Variants in PAK5 observed in about 807,000 individuals in gnomAD.
The protein encoded by PAK5 is serine/threonine-protein kinase PAK 5.
Under a neutral mutation model 65.9 loss-of-function variants are expected in PAK5, and 16 were observed. The ratio of observed to expected loss-of-function variants is 0.24; its 90% CI spans 0.16 to 0.37. The LOEUF (loss-of-function observed/expected upper bound fraction) is 0.37. Among genes scored for constraint, PAK5 ranks in the 10% least tolerant of loss-of-function variants. The pLI, the probability that PAK5 is intolerant of heterozygous loss-of-function variation, is 1.00. For synonymous variants in PAK5, 371 were observed against 354.9 expected, an observed-to-expected ratio of 1.05 and a Z score of -0.51; for missense variants, 785 against 903.9, an observed-to-expected ratio of 0.87 and a Z score of 1.69.
intron 2 of PAK5, among the ~76,000 whole-genome samples, chr20:9,707,810 C>G (rs1212478695): frequency 6.6e-6 from 1 of 152,150 alleles, no homozygotes; most frequent in African/African-American, 2.4e-5. Flanking sequence ...AGTGAAGCAT[C>G]TGAGACTATT....
intron 3 of PAK5, among the ~76,000 whole-genome samples, chr20:9,601,546 A>C (rs1196423311): frequency 1.3e-5 from 2 of 152,104 alleles, no homozygotes; most frequent in African/African-American, 4.8e-5. Context: ...TAGCTTTTTT[A>C]GTGGTTGTAG....
rs182630122 is a variant in PAK5, at chr20:9,667,602, G to A, written c.-11-23263C>T. On this transcript the variant is annotated intron_variant, in intron 2 of 9. Coordinates refer to ENST00000353224, the MANE Select transcript of PAK5 (RefSeq NM_177990.4). ...CTTCTAGTTGCATACCACTGGGGAA[G>A]CTCTAATAATACCCTGTGGAATATA... is the stretch of plus-strand genomic sequence containing the variant. Among the ~76,000 whole-genome samples the A allele has an allele frequency of 2.5e-4, 38 of 152,248 alleles. No individual in the cohort carries two copies. The East Asian group carries it at 6.8e-3, about 27-fold the overall frequency.
intron 3 of PAK5, among the ~76,000 whole-genome samples, chr20:9,602,558 A>T (rs570781232): frequency 6.6e-6 from 1 of 152,314 alleles, no homozygotes; most frequent in African/African-American, 2.4e-5. Flanking sequence ...GTTTCTGAGA[A>T]TCTAAAAGTT....
At chr20:9,736,554 T>C (rs1260410549) in intron 1 of PAK5, among the ~76,000 whole-genome samples, 2 of 152,176 alleles carry the variant, frequency 1.3e-5, no homozygotes, top group African/African-American at 4.8e-5. Context: ...GGCATGATGT[T>C]ACAGGCTGGC....
chr20:9,730,040 CG>C (rs1412544774), intron 1 of PAK5, among the ~76,000 whole-genome samples: 3 of 70,664 alleles, frequency 4.2e-5, no homozygotes, highest in East Asian at 7.5e-4. Flanking sequence ...AGAATTGTCT[CG>C]AAAAAAAAAA....
At chr20:9,670,714 T>G (rs1482705727) in intron 2 of PAK5, among the ~76,000 whole-genome samples, 1 of 152,196 alleles carries the variant, frequency 6.6e-6, no homozygotes, top group African/African-American at 2.4e-5. Flanking sequence ...TTTCTCCCAT[T>G]CTGTAGGTTG....
rs1204079633 is a variant in PAK5, at chr20:9,538,451, C to T, written c.*1011G>A. On this transcript the variant is annotated 3_prime_UTR_variant, in exon 10 of 10. Transcript: ENST00000353224. ...ATGAAACCAAACGTCTTGCCCTGTTCTCTCCTCTCCCTTTGTGAGCCTGGA... is the reference window on the plus strand; with the variant it reads ...ATGAAACCAAACGTCTTGCCCTGTTTTCTCCTCTCCCTTTGTGAGCCTGGA... 8.6e-6 allele frequency: 2 copies of T among 233,474 alleles called. No homozygotes were observed. Among genetic ancestry groups the T allele is most frequent in the Admixed American group, 1.1e-4 (2 of 17,776 alleles). The allele number at this position is 233,474 out of a possible 1,614,324, so 14.5% of individuals were successfully genotyped here. A position where few individuals can be genotyped will look rare whatever the true frequency, so the allele number is the denominator to read the frequency against.
intron 2 of PAK5, among the ~76,000 whole-genome samples, chr20:9,681,928 TAGAG>T (rs1220535769): frequency 6.6e-6 from 1 of 152,192 alleles, no homozygotes; most frequent in African/African-American, 2.4e-5. Flanking sequence ...CTTCACTATA[TAGAG>T]AGTCTTAGGT....
intron 8 of PAK5, among the ~76,000 whole-genome samples, chr20:9,543,198 C>A (rs924553866): frequency 6.6e-6 from 1 of 152,170 alleles, no homozygotes; most frequent in African/African-American, 2.4e-5. Context: ...GCTCTTTTCT[C>A]CCCTACTTTG....
rs1320950597 is a variant in PAK5, at chr20:9,562,909, T to G, written c.1598A>C (p.Asp533Ala). 6 of 1,613,690 alleles carry G rather than the reference T, an allele frequency of 3.7e-6. No individual in the cohort carries two copies. The highest frequency in any genetic ancestry group is 5.1e-6 in the Non-Finnish European group (6 of 1,179,818). The change falls in exon 6 of 10, where the codon GAC becomes GCC. Residue 533 changes from aspartate to alanine, a missense_variant. Around this residue, in one of 4 missense-constraint regions of PAK5, gnomAD observed 182 missense variants for 273.0 expected, o/e 0.67. Coordinates refer to ENST00000353224, the MANE Select transcript of PAK5 (RefSeq NM_177990.4). ...AGCCTACCTGGTGTGAGTCACAATG[T>G]CTGTCAAGGCACCACCTTCTAGAAA... Reference protein sequence around the residue: ...MEFLEGGALTDIVTHTRMNEE... With the variant: ...MEFLEGGALTAIVTHTRMNEE...
At chr20:9,696,571 A>C (rs6056806) in intron 2 of PAK5, among the ~76,000 whole-genome samples, 2,355 of 152,218 alleles carry the variant, frequency 0.015, 23 homozygotes, top group Middle Eastern at 0.041. Context: ...TCTCTGAGAC[A>C]GACGTGTGGG....
intron 7 of PAK5, among the ~76,000 whole-genome samples, chr20:9,553,064 A>G (rs886915372): frequency 6.6e-6 from 1 of 152,252 alleles, no homozygotes; most frequent in South Asian, 2.1e-4. Flanking sequence ...ATCCACAGGA[A>G]GTTGCAACGT....
rs542553062 is a variant in PAK5, at chr20:9,580,857, G to A, written c.278C>T (p.Ser93Leu). 7.4e-6 allele frequency: 12 copies of A among 1,613,342 alleles called. No homozygotes were observed. Among genetic ancestry groups the A allele is most frequent in the African/African-American group, 4.0e-5 (3 of 74,904 alleles). Reference sequence around the variant, plus strand: ...CCTTAGGGAGTTGGAGCGAGTCACCGAGATGTTGTCAAAATCCTCTAGCAG... The same window carrying A: ...CCTTAGGGAGTTGGAGCGAGTCACCAAGATGTTGTCAAAATCCTCTAGCAG... ...NGLLEDFDNI[S>L]VTRSNSLRKE... The change falls in exon 4 of 10, where the codon TCG becomes TTG. Residue 93 changes from serine (S) to leucine (L), a missense_variant. By Grantham distance (145) the Ser-to-Leu change is moderately radical. Transcript: ENST00000353224.
chr20:9,615,697 T>G (rs79413152), intron 3 of PAK5, among the ~76,000 whole-genome samples: 1 of 152,138 alleles, frequency 6.6e-6, no homozygotes, highest in African/African-American at 2.4e-5. Context: ...TTTTGCATAA[T>G]CGTGTGGGTC....
intron 3 of PAK5, among the ~76,000 whole-genome samples, chr20:9,593,408 C>A (rs981723286): frequency 2.0e-5 from 3 of 152,116 alleles, no homozygotes; most frequent in African/African-American, 7.2e-5. Context: ...ACTTGGCTTA[C>A]CCAGAGACAC....
intron 3 of PAK5, among the ~76,000 whole-genome samples, chr20:9,641,653 A>T (rs1031318509): frequency 5.9e-5 from 9 of 151,906 alleles, no homozygotes; most frequent in Admixed American, 2.6e-4. Context: ...GGTGCTCGTC[A>T]GGGAGGCTCG....
At chr20:9,665,837 C>G (rs2047409749) in intron 2 of PAK5, among the ~76,000 whole-genome samples, 1 of 151,950 alleles carries the variant, frequency 6.6e-6, no homozygotes, top group Non-Finnish European at 1.5e-5. Context: ...CTGCACTTGG[C>G]CCCTATTTTT....
At chr20:9,618,912 T>C (rs2046713619) in intron 3 of PAK5, among the ~76,000 whole-genome samples, 1 of 139,316 alleles carries the variant, frequency 7.2e-6, no homozygotes, top group Admixed American at 7.7e-5. Flanking sequence ...CTCTCTTTCT[T>C]TCGTTTTTTT....
intron 1 of PAK5, among the ~76,000 whole-genome samples, chr20:9,795,857 G>C (rs768728379): frequency 2.6e-5 from 4 of 151,940 alleles, no homozygotes; most frequent in Non-Finnish European, 5.9e-5. Context: ...TATAAATATG[G>C]AAATATACTT....
Sources: gnomAD v4.1 joint callset for allele counts (sites outside exome capture counted in the v4.1 genomes callset) on GRCh38, gnomAD v4.1.1 for gene constraint, gnomAD v4.1.1 regional missense constraint, MANE v1.5 for transcripts, NCBI Gene and HGNC (gene_info 2026-07-23, HGNC 2026-07-21) for gene names.